Variants in ZNF71 observed in about 807,000 individuals in gnomAD.
The protein encoded by ZNF71 is zinc finger protein 71.
Under a neutral mutation model 6.7 loss-of-function variants are expected in ZNF71, and 3 were observed. The ratio of observed to expected loss-of-function variants is 0.45; its 90% confidence interval spans 0.20 to 1.16. ZNF71 has a LOEUF of 1.16. Ranked by LOEUF, ZNF71 falls within the 50% of genes most tolerant of loss-of-function variation. The pLI, the probability that ZNF71 is intolerant of heterozygous loss-of-function variation, is 0.25. For synonymous variants in ZNF71, 343 were observed against 311.1 expected, an observed-to-expected ratio of 1.10 and a Z score of -1.08; for missense variants, 688 against 728.6, an observed-to-expected ratio of 0.94 and a Z score of 0.64.
At chr19:56,615,887 C>CTAAGAATAAAACAAAGCCA (rs2148016001) in intron 3 of ZNF71, among the ~76,000 whole-genome samples, 1 of 152,138 alleles carries the variant, frequency 6.6e-6, no homozygotes, top group African/African-American at 2.4e-5. Context: ...AGATTTATTC[C>CTAAGAATAAAACAAAGCCA]TGTGTTTTAT....
chr19:56,607,137 T>C (rs1568505056), intron 2 of ZNF71, among the ~76,000 whole-genome samples: 1 of 152,174 alleles, frequency 6.6e-6, no homozygotes, highest in Non-Finnish European at 1.5e-5. Flanking sequence ...TAAACAGGAA[T>C]TCTAGATCAA....
rs1421838832 is a variant in ZNF71, at chr19:56,621,860, C to T, written c.753C>T (p.Cys251=). The T allele has an allele frequency of 1.2e-6, 2 of 1,611,446 alleles. No individual in the cohort carries two copies. Among genetic ancestry groups the T allele is most frequent in the Non-Finnish European group, 1.7e-6 (2 of 1,178,038 alleles). ...TGEKPYACGD[C]GKAFSQRMNL... ...AGAAGCCCTATGCCTGCGGGGACTGCGGCAAGGCCTTCAGCCAGCGCATGA... is the reference window on the plus strand; with the variant it reads ...AGAAGCCCTATGCCTGCGGGGACTGTGGCAAGGCCTTCAGCCAGCGCATGA... The change falls in exon 4 of 4, where the codon TGC becomes TGT. Residue 251 remains cysteine, a synonymous_variant. Transcript: ENST00000599599.
chr19:56,605,230 C>T (rs1166898940), intron 2 of ZNF71, among the ~76,000 whole-genome samples: 1 of 152,076 alleles, frequency 6.6e-6, no homozygotes, highest in Non-Finnish European at 1.5e-5. Flanking sequence ...TTTCCTTGTG[C>T]CTTGGGGGTT....
Position 56,621,352 on chromosome 19 carries a change from C to G in ZNF71, c.245C>G (p.Thr82Arg), listed in dbSNP as rs761998210. The G allele has an allele frequency of 1.3e-6, 2 of 1,570,630 alleles. No homozygotes were observed. The highest frequency in any genetic ancestry group is 1.2e-5 in the South Asian group (1 of 83,996). The change falls in exon 4 of 4, where the codon ACG (threonine) becomes AGG (arginine). Residue 82 changes from threonine (T) to arginine (R), a missense_variant. By Grantham distance (71) the Thr-to-Arg change is moderately conservative. Transcript: ENST00000599599. ...EDKLSVVGEA[T>R]GGPTRNGARG... ...AAGCTCTCCGTTGTTGGGGAGGCCA[C>G]GGGGGGACCCACGAGGAATGGTGCC...
Position 56,622,322 on chromosome 19 carries a change from G to T in ZNF71, c.1215G>T (p.Gln405His), listed in dbSNP as rs1249995502. The T allele has an allele frequency of 3.7e-6, 6 of 1,612,778 alleles. No homozygotes were observed. In the African/African-American group the frequency reaches 4.0e-5, roughly 11 times the overall value. ...FSQSSYLIQH[Q>H]RFHIGVKPFE... ...AGAGCTCCTACCTCATCCAGCACCA[G>T]CGCTTCCACATCGGCGTGAAGCCGT... is the stretch of plus-strand genomic sequence containing the variant. Residue 405 changes from glutamine (Q) to histidine (H), a missense_variant, in exon 4 of 4, where the codon CAG becomes CAT. Transcript: ENST00000599599.
At chr19:56,605,295 C>G (rs1429125112) in intron 2 of ZNF71, among the ~76,000 whole-genome samples, 3 of 152,222 alleles carry the variant, frequency 2.0e-5, no homozygotes, top group African/African-American at 7.2e-5. Context: ...CAATAGGTCT[C>G]TCATTACTCA....
intron 3 of ZNF71, among the ~76,000 whole-genome samples, chr19:56,617,970 G>T (rs926846362): frequency 1.3e-5 from 2 of 151,050 alleles, no homozygotes; most frequent in Non-Finnish European, 2.9e-5. Flanking sequence ...GACTCCATCA[G>T]CCCCAGACAA....
rs1217746795 is a variant in ZNF71, at chr19:56,621,492, G to C, written c.385G>C (p.Gly129Arg). 1 of 1,614,104 alleles carries C rather than the reference G, an allele frequency of 6.2e-7. No individual in the cohort carries two copies. The highest frequency in any genetic ancestry group is 2.2e-5 in the East Asian group (1 of 44,862). The stretch of plus-strand genomic sequence containing the variant: ...AATTCCCCAGGGGAACAAACTCTTA[G>C]GGGGCTCAGTACCCGCATGTCATGA... ...LGIPQGNKLL[G>R]GSVPACHELK... is the part of the protein sequence containing the mutation. The change falls in exon 4 of 4, where the codon GGG becomes CGG. Residue 129 changes from glycine to arginine, a missense_variant. Transcript: ENST00000599599.
intron 2 of ZNF71, among the ~76,000 whole-genome samples, chr19:56,609,559 C>T (rs935514411): frequency 1.3e-5 from 2 of 151,624 alleles, no homozygotes; most frequent in Admixed American, 6.6e-5. Context: ...TTGCCTGTCC[C>T]GGACATTGTG....
chr19:56,607,664 T>C (rs2044720050), intron 2 of ZNF71, among the ~76,000 whole-genome samples: 1 of 152,056 alleles, frequency 6.6e-6, no homozygotes, highest in Non-Finnish European at 1.5e-5. Context: ...TTCCCAGACA[T>C]GCCCTTAAGA....
intron 2 of ZNF71, among the ~76,000 whole-genome samples, chr19:56,606,784 A>G (rs571903637): frequency 6.6e-6 from 1 of 152,138 alleles, no homozygotes; most frequent in South Asian, 2.1e-4. Context: ...GGCTTCTCCC[A>G]GAGCAAGTGT....
chr19:56,595,839 TTGTGTGTGTGTGTTTGTGTGTG>T (rs1227522246), intron 1 of ZNF71, among the ~76,000 whole-genome samples: 1 of 108,230 alleles, frequency 9.2e-6, no homozygotes, highest in Non-Finnish European at 1.9e-5. Flanking sequence ...GATATTGTGA[TTGTGTGTGTGTGTTTGTGTGTG>T]TGTGTGTGTG....
intron 2 of ZNF71, among the ~76,000 whole-genome samples, chr19:56,608,717 A>AAC (rs34794314): frequency 0.012 from 1,775 of 151,502 alleles, 12 homozygotes; most frequent in African/African-American, 0.02. Context: ...GGAGGCTGCC[A>AAC]ACACACACAC....
chr19:56,599,709 T>A (rs1276732005), intron 1 of ZNF71, among the ~76,000 whole-genome samples: 1 of 151,514 alleles, frequency 6.6e-6, no homozygotes, highest in Non-Finnish European at 1.5e-5. Flanking sequence ...TTTTTTTTTT[T>A]TTGAGATGGA....
intron 3 of ZNF71, among the ~76,000 whole-genome samples, chr19:56,617,620 C>G (rs1219987554): frequency 6.6e-6 from 1 of 152,174 alleles, no homozygotes; most frequent in Non-Finnish European, 1.5e-5. Context: ...CGGATGTCTC[C>G]CATGACAGTG....
At chr19:56,619,228 ATGT>A (rs1412284521) in intron 3 of ZNF71, among the ~76,000 whole-genome samples, 3 of 152,070 alleles carry the variant, frequency 2.0e-5, no homozygotes, top group Non-Finnish European at 2.9e-5. Flanking sequence ...AAGGACATTG[ATGT>A]TGTTGTGCAG....
At chr19:56,599,647 G>T (rs1273356742) in intron 1 of ZNF71, among the ~76,000 whole-genome samples, 2 of 151,892 alleles carry the variant, frequency 1.3e-5, no homozygotes, top group African/African-American at 4.8e-5. Flanking sequence ...GTCACCTCAA[G>T]GATTTATCCT....
chr19:56,621,239 T>G (rs776910482), intron 3 of ZNF71, 29 bp from the exon 4 acceptor site: 1 of 1,514,810 alleles, frequency 6.6e-7, no homozygotes, highest in Admixed American at 2.3e-5. Context: ...ACTACATGTA[T>G]TTGCATCTTC....
At chr19:56,619,088 G>A (rs1489511964) in intron 3 of ZNF71, among the ~76,000 whole-genome samples, 3 of 152,094 alleles carry the variant, frequency 2.0e-5, no homozygotes, top group Non-Finnish European at 4.4e-5. Context: ...GAGGGAAAGG[G>A]CAAGTCAGGA....
Sources: allele counts gnomAD v4.1 joint callset (sites outside exome capture counted in the v4.1 genomes callset), GRCh38; gene constraint gnomAD v4.1.1; transcripts MANE v1.5; gene names NCBI Gene and HGNC (gene_info 2026-07-23, HGNC 2026-07-21).